ELMO1: variants seen among roughly 807,000 people sequenced by gnomAD.
ELMO1 encodes engulfment and cell motility protein 1.
Under a neutral mutation model 98.9 loss-of-function variants are expected in ELMO1, and 26 were observed. The observed-to-expected ratio is 0.26, with a 90% CI of 0.19 to 0.36. The LOEUF (loss-of-function observed/expected upper bound fraction) is 0.36. ELMO1 is among the 10% of genes least tolerant of loss of function. The pLI, the probability that ELMO1 is intolerant of heterozygous loss-of-function variation, is 1.00. For synonymous variants in ELMO1, 346 were observed against 346.0 expected (o/e 1.00, Z 0.00); for missense variants, 627 against 935.2 (o/e 0.67, Z 4.30).
chr7:37,274,811 A>G (rs1796743658), intron 4 of ELMO1, among the ~76,000 whole-genome samples: 1 of 152,182 alleles, frequency 6.6e-6, no homozygotes, highest in Non-Finnish European at 1.5e-5. Flanking sequence ...TCAGCCTCCC[A>G]AAGTGTTGGG....
intron 16 of ELMO1, among the ~76,000 whole-genome samples, chr7:36,966,348 T>G (rs1165196033): frequency 6.6e-6 from 1 of 152,216 alleles, no homozygotes; most frequent in African/African-American, 2.4e-5. Flanking sequence ...TTATTTATAT[T>G]TGGAATCCTT....
chr7:37,188,048 G>A (rs556266861), intron 13 of ELMO1, among the ~76,000 whole-genome samples: 45 of 152,028 alleles, frequency 3.0e-4, no homozygotes, highest in African/African-American at 1.0e-3. Context: ...GGGGGTGGGG[G>A]TGCATTAAAA....
chr7:36,953,041 G>A (rs1176569762), intron 16 of ELMO1, among the ~76,000 whole-genome samples: 5 of 142,980 alleles, frequency 3.5e-5, no homozygotes, highest in East Asian at 4.1e-4. Flanking sequence ...GCGCGATCTC[G>A]GCTCAGGGCA....
rs1214352426 is a variant in ELMO1, at chr7:37,391,054, TCCTTCCTC to T, written c.-73-48299_-73-48292del. Among the ~76,000 whole-genome samples the T allele has an allele frequency of 3.0e-3, 379 of 127,786 alleles. 2 individuals carry two copies. Among genetic ancestry groups the T allele is most frequent in the African/African-American group, 0.013 (370 of 29,466 alleles). 83.8% of individuals were successfully genotyped at this position (127,786 alleles called of 152,430 possible). ...TTCCTTCCTTCCTTCCTTCCTTCCT[TCCTTCCTC>T]CCTCCCTCCCTCTCTCCCTCCCTCT... On this transcript the variant is annotated intron_variant, in intron 1 of 21. Transcript: ENST00000310758.
intron 13 of ELMO1, chr7:37,204,068 T>A (rs1415730123): frequency 2.2e-6 from 1 of 455,692 alleles, no homozygotes; most frequent in East Asian, 7.0e-5. Context: ...TAAGGAAAAA[T>A]AGGACAGAAT....
At chr7:37,353,224 T>C (rs1182526512) in intron 1 of ELMO1, 1 of 152,260 alleles carries the variant, frequency 6.6e-6, no homozygotes, top group Non-Finnish European at 1.5e-5. Flanking sequence ...AAGGTCCTTT[T>C]GTGTCCAGAA....
intron 15 of ELMO1, among the ~76,000 whole-genome samples, chr7:37,024,092 C>T (rs1374396638): frequency 6.6e-6 from 1 of 151,982 alleles, no homozygotes; most frequent in Admixed American, 6.6e-5. Flanking sequence ...TCCTTTTCTC[C>T]TTCCTTCTGT....
At chr7:37,261,208 C>T (rs1191912841) in intron 5 of ELMO1, among the ~76,000 whole-genome samples, 2 of 152,136 alleles carry the variant, frequency 1.3e-5, no homozygotes, top group African/African-American at 4.8e-5. Flanking sequence ...CACAATAGTC[C>T]CAACAGGTAG....
intron 1 of ELMO1, chr7:37,375,874 A>C: frequency 2.9e-6 from 2 of 693,584 alleles, no homozygotes; most frequent in South Asian, 1.5e-5. Flanking sequence ...TGCAAGACTC[A>C]CAAGAGGGGA....
intron 13 of ELMO1, among the ~76,000 whole-genome samples, chr7:37,172,942 T>G (rs2129848268): frequency 6.6e-6 from 1 of 152,306 alleles, no homozygotes; most frequent in East Asian, 1.9e-4. Context: ...AGATTGACTT[T>G]TTACTGTGCA....
chr7:37,384,399 T>C (rs151249061), intron 1 of ELMO1, among the ~76,000 whole-genome samples: 2 of 152,058 alleles, frequency 1.3e-5, no homozygotes, highest in African/African-American at 4.8e-5. Context: ...AATAATTAGA[T>C]TGAAGAAAAA....
At chr7:37,033,285 T>C (rs1183851216) in intron 15 of ELMO1, 1 of 428,350 alleles carries the variant, frequency 2.3e-6, no homozygotes, top group Admixed American at 2.7e-5. Flanking sequence ...AGGGGATCCT[T>C]GTGCAGTGAG....
intron 1 of ELMO1, among the ~76,000 whole-genome samples, chr7:37,390,988 A>G (rs1803043994): frequency 6.6e-6 from 1 of 151,248 alleles, no homozygotes; most frequent in Non-Finnish European, 1.5e-5. Context: ...CAAATCAGGT[A>G]TATTCTGGGA....
intron 4 of ELMO1, among the ~76,000 whole-genome samples, chr7:37,275,314 T>C (rs1796772345): frequency 6.6e-6 from 1 of 152,224 alleles, no homozygotes; most frequent in African/African-American, 2.4e-5. Flanking sequence ...AAGTTCCGCA[T>C]TGGCCTCTAG....
intron 4 of ELMO1, among the ~76,000 whole-genome samples, chr7:37,309,064 C>T (rs543279967): frequency 2.0e-5 from 3 of 152,224 alleles, no homozygotes; most frequent in East Asian, 1.9e-4. Flanking sequence ...AAGGGAAAAG[C>T]AGTGTATTAG....
chr7:37,158,946 G>T (rs895037158), intron 13 of ELMO1, among the ~76,000 whole-genome samples: 1 of 152,150 alleles, frequency 6.6e-6, no homozygotes, highest in Non-Finnish European at 1.5e-5. Flanking sequence ...AATGTGGCAC[G>T]TATACACCAA....
At position 37,195,997 on chromosome 7, in the gene ELMO1, C is replaced by T. The variant is rs184298105; in HGVS notation, c.1086+15389G>A. Among the ~76,000 whole-genome samples the T allele has an allele frequency of 7.9e-5, 12 of 152,268 alleles. No homozygotes were observed. In the East Asian group the frequency reaches 1.4e-3, roughly 17 times the overall value. On this transcript the variant is annotated intron_variant, in intron 13 of 21. Coordinates refer to ENST00000310758, the MANE Select transcript of ELMO1 (RefSeq NM_014800.11). ...ACAATAGAAGGCAAAAAGTGAAGGC[C>T]GATTTCTGGGTTATCATGAAGCAGG...
chr7:37,223,024 G>C (rs1406559930), intron 9 of ELMO1, among the ~76,000 whole-genome samples: 1 of 152,158 alleles, frequency 6.6e-6, no homozygotes, highest in Non-Finnish European at 1.5e-5. Context: ...ATGTATGTCT[G>C]TATGTATGTA....
chr7:37,074,490 T>C (rs1797454678), intron 15 of ELMO1, among the ~76,000 whole-genome samples: 1 of 152,220 alleles, frequency 6.6e-6, no homozygotes, highest in Admixed American at 6.5e-5. Context: ...GAGACATAGC[T>C]GATGTCCAGT....
Sources: allele counts gnomAD v4.1 joint callset (sites outside exome capture counted in the v4.1 genomes callset), GRCh38; gene constraint gnomAD v4.1.1; transcripts MANE v1.5; gene names NCBI Gene and HGNC (gene_info 2026-07-23, HGNC 2026-07-21).